The following MAP3K5 variants were observed in gnomAD, a reference collection of about 807,000 sequenced individuals.
MAP3K5 encodes the protein ASK-1.
MAP3K5 carries 56 observed loss-of-function variants against 158.7 expected under a neutral mutation model. That is an observed-to-expected ratio of 0.35 (90% CI 0.28 to 0.44). The LOEUF (loss-of-function observed/expected upper bound fraction) is 0.44, where lower values mean the gene tolerates loss of function less well. MAP3K5 is among the 20% of genes least tolerant of loss of function. MAP3K5 has a pLI of 1.00. For missense variants in MAP3K5, 1,294 were observed against 1,674.8 expected, an observed-to-expected ratio of 0.77 and a Z score of 3.97; for synonymous variants, 579 against 601.7, an observed-to-expected ratio of 0.96 and a Z score of 0.55.
Position 136,776,446 on chromosome 6 carries a change from C to T in MAP3K5, c.448+15264G>A, listed in dbSNP as rs116930105. On this transcript the variant is annotated intron_variant, in intron 1 of 29. Coordinates refer to ENST00000359015, the MANE Select transcript of MAP3K5 (RefSeq NM_005923.4). ...TTTTTGTAAAGAAGAGGTCTCACCA[C>T]GTTGCCCATTCTAGTCTTGAACTCT... is the stretch of plus-strand genomic sequence containing the variant. Among the ~76,000 whole-genome samples the T allele has an allele frequency of 4.4e-3, 664 of 152,222 alleles. 5 individuals are homozygous for T. The highest frequency in any genetic ancestry group is 4.7e-3 in the Non-Finnish European group (320 of 68,010).
At chr6:136,715,384 C>A (rs1781475288) in intron 2 of MAP3K5, among the ~76,000 whole-genome samples, 1 of 152,060 alleles carries the variant, frequency 6.6e-6, no homozygotes, top group African/African-American at 2.4e-5. Context: ...TTAAATATTT[C>A]AAGTATATAA....
intron 21 of MAP3K5, chr6:136,593,854 C>G (rs1042838565): frequency 6.2e-5 from 21 of 337,792 alleles, no homozygotes; most frequent in South Asian, 5.2e-4. Context: ...CTGGAATCTC[C>G]TTCTTACTTA....
intron 1 of MAP3K5, among the ~76,000 whole-genome samples, chr6:136,746,952 T>C (rs1482441272): frequency 6.6e-6 from 1 of 152,230 alleles, no homozygotes; most frequent in Non-Finnish European, 1.5e-5. Flanking sequence ...CAATTTTCTT[T>C]CGTTTTTTTG....
intron 19 of MAP3K5, among the ~76,000 whole-genome samples, chr6:136,603,123 G>A (rs2129086351): frequency 6.6e-6 from 1 of 151,290 alleles, no homozygotes; most frequent in Non-Finnish European, 1.5e-5. Context: ...AGTTCTAAGT[G>A]CTTGGTACAT....
chr6:136,583,460 G>T, intron 24 of MAP3K5, 95 bp downstream of exon 24: 1 of 1,175,540 alleles, frequency 8.5e-7, no homozygotes, highest in Non-Finnish European at 1.2e-6. Flanking sequence ...GAGTTCACTG[G>T]AATTTTAAAA....
Position 136,694,249 on chromosome 6 carries a change from C to T in MAP3K5, c.1144G>A (p.Glu382Lys), listed in dbSNP as rs770548145. 27 of 1,613,456 alleles carry T rather than the reference C, an allele frequency of 1.7e-5. No individual in the cohort carries two copies. Among genetic ancestry groups the T allele is most frequent in the African/African-American group, 1.5e-4 (11 of 74,922 alleles). Residue 382 changes from glutamate to lysine, a missense_variant, in exon 7 of 30, where the codon GAA becomes AAA. Around this residue, in one of 5 missense-constraint regions of MAP3K5, gnomAD observed 690 missense variants for 870.5 expected, o/e 0.79. Transcript: ENST00000359015. ...TACATATCTGAAGCAACTTGTCCTT[C>T]GCTTTGCACCATGGGAATCATAATA... ...LDIMIPMVQS[E>K]GQVASDMYCL... is the part of the protein sequence containing the mutation.
chr6:136,770,353 AAAGC>A (rs1784148079), intron 1 of MAP3K5, among the ~76,000 whole-genome samples: 1 of 152,210 alleles, frequency 6.6e-6, no homozygotes, highest in African/African-American at 2.4e-5. Flanking sequence ...ATAATCCTTA[AAAGC>A]AAGGGAAAAG....
chr6:136,599,475 A>ATCTCTC (rs71737097), intron 21 of MAP3K5, among the ~76,000 whole-genome samples: 16 of 141,980 alleles, frequency 1.1e-4, no homozygotes, highest in South Asian at 2.3e-4. Flanking sequence ...CACTTAAAGG[A>ATCTCTC]TCTCTCTCTC....
In MAP3K5 at chr6:136,654,363, T is replaced by C. The variant is rs185748772; in HGVS notation, c.1680+1944A>G. 3.3e-4 allele frequency among the ~76,000 whole-genome samples: 51 copies of C among 152,372 alleles called. No homozygotes were observed. The East Asian group carries it at 7.1e-3, about 21-fold the overall frequency. ...ATGGGCAAAAAAATAGTGTCTCACT[T>C]AATTTGCATTTTCTTGACTAACCAG... On this transcript the variant is annotated intron_variant, in intron 10 of 29. Transcript: ENST00000359015.
chr6:136,677,086 G>A (rs1042812299), intron 7 of MAP3K5, among the ~76,000 whole-genome samples: 6 of 150,504 alleles, frequency 4.0e-5, no homozygotes, highest in Non-Finnish European at 7.4e-5. Flanking sequence ...CACTGTGCCC[G>A]GCTCATTTTG....
intron 23 of MAP3K5, among the ~76,000 whole-genome samples, chr6:136,591,242 C>A (rs951467411): frequency 6.6e-6 from 1 of 152,208 alleles, no homozygotes; most frequent in Non-Finnish European, 1.5e-5. Context: ...AGCATGAGAA[C>A]AGACTAATAC....
At chr6:136,658,277 A>ATTCTTT (rs535872307) in intron 9 of MAP3K5, among the ~76,000 whole-genome samples, 1 of 147,852 alleles carries the variant, frequency 6.8e-6, no homozygotes, top group Non-Finnish European at 1.5e-5. Context: ...GCTAATAAAA[A>ATTCTTT]TTCTTTTTCT....
chr6:136,783,889 G>A (rs866112164), intron 1 of MAP3K5, among the ~76,000 whole-genome samples: 8 of 108,256 alleles, frequency 7.4e-5, no homozygotes, highest in Admixed American at 5.4e-4. Context: ...CACATTTCCC[G>A]GACTTTGTGC....
At chr6:136,708,514 C>G (rs1026101458) in intron 2 of MAP3K5, among the ~76,000 whole-genome samples, 4 of 152,090 alleles carry the variant, frequency 2.6e-5, no homozygotes, top group African/African-American at 7.2e-5. Context: ...CTTCAGCCTC[C>G]CAAAGCGCTA....
At chr6:136,637,956 G>C (rs375198928) in intron 13 of MAP3K5, among the ~76,000 whole-genome samples, 20 of 152,270 alleles carry the variant, frequency 1.3e-4, no homozygotes, top group East Asian at 3.9e-4. Context: ...TACTCACTGA[G>C]TGTCTACTAG....
chr6:136,766,211 A>G (rs1217305514), intron 1 of MAP3K5, among the ~76,000 whole-genome samples: 1 of 152,218 alleles, frequency 6.6e-6, no homozygotes, highest in Non-Finnish European at 1.5e-5. Flanking sequence ...CTAAGCCTAC[A>G]AATCTGCACC....
At chr6:136,781,133 G>A (rs770068764) in intron 1 of MAP3K5, among the ~76,000 whole-genome samples, 19 of 152,184 alleles carry the variant, frequency 1.2e-4, no homozygotes, top group Non-Finnish European at 2.2e-4. Flanking sequence ...ACTGTCCCCA[G>A]GCTGTGCTGT....
chr6:136,711,233 A>G (rs1398513270), intron 2 of MAP3K5, among the ~76,000 whole-genome samples: 2 of 152,162 alleles, frequency 1.3e-5, no homozygotes, highest in Non-Finnish European at 2.9e-5. Context: ...TTTGCAGAAC[A>G]TATGAAATCT....
intron 9 of MAP3K5, among the ~76,000 whole-genome samples, chr6:136,656,885 G>T (rs1335709760): frequency 1.3e-5 from 2 of 152,154 alleles, no homozygotes; most frequent in African/African-American, 4.8e-5. Flanking sequence ...GCCTCCCAAC[G>T]TGCTGGGATT....
Sources: allele counts gnomAD v4.1 joint callset (sites outside exome capture counted in the v4.1 genomes callset), GRCh38; gene constraint gnomAD v4.1.1; regional missense constraint gnomAD v4.1.1; transcripts MANE v1.5; gene names NCBI Gene and HGNC (gene_info 2026-07-23, HGNC 2026-07-21).